Variants in DNAH17 observed in about 807,000 individuals in gnomAD.
DNAH17 encodes dynein axonemal heavy chain 17.
DNAH17 carries 376 observed loss-of-function variants against 485.6 expected under a neutral mutation model. The ratio of observed to expected loss-of-function variants is 0.77; its 90% CI spans 0.71 to 0.84. DNAH17 has a LOEUF of 0.84. Ranked by LOEUF, DNAH17 falls within the 40% of genes least tolerant of loss-of-function variation. DNAH17 has a pLI of 0.00. For synonymous variants in DNAH17, 3,031 were observed against 2,405.9 expected (o/e 1.26, Z -7.60); for missense variants, 6,370 against 5,839.3 (o/e 1.09, Z -2.96).
At position 78,426,908 on chromosome 17, in the gene DNAH17, G is replaced by A. The variant is rs777291478; in HGVS notation, c.12771+18C>T. The A allele has an allele frequency of 1.3e-5, 20 of 1,587,436 alleles. No individual in the cohort carries two copies. The highest frequency in any genetic ancestry group is 2.3e-5 in the East Asian group (1 of 43,490). On this transcript the variant is annotated intron_variant, in intron 78 of 80. Transcript: ENST00000389840. ...ACCATCCAGCCACGTCCCTGGGGCC[G>A]GGCTGACCCATGTTTACCTTCAGCC...
chr17:78,577,014 C>T (rs1259786350), intron 1 of DNAH17, among the ~76,000 whole-genome samples: 1 of 152,190 alleles, frequency 6.6e-6, no homozygotes, highest in East Asian at 1.9e-4. Flanking sequence ...CAGGAGGAAG[C>T]TGGGGCTAGG....
chr17:78,526,117 C>T (rs1239915773), intron 24 of DNAH17, among the ~76,000 whole-genome samples: 1 of 152,244 alleles, frequency 6.6e-6, no homozygotes, highest in African/African-American at 2.4e-5. Flanking sequence ...TGGGCCTGAG[C>T]TTGAGTGGGC....
In DNAH17 at chr17:78,501,316, T is replaced by A; in HGVS notation, c.5351A>T (p.Gln1784Leu). The A allele has an allele frequency of 6.2e-7, 1 of 1,603,788 alleles. No individual in the cohort carries two copies. The highest frequency in any genetic ancestry group is 8.5e-7 in the Non-Finnish European group (1 of 1,171,690). ...GTCCCAGCGATGCCGGAGCTGGGCC[T>A]GCCAGGTGAAGGCCTGAGAACTCTC... ...KVESSQAFTW[Q>L]AQLRHRWDEE... Residue 1784 changes from glutamine to leucine, a missense_variant, in exon 35 of 81, where the codon CAG becomes CTG. Physicochemically the swap from Gln to Leu is moderately radical, Grantham distance 113. Transcript: ENST00000389840.
chr17:78,571,459 G>C, intron 4 of DNAH17, 81 bp from the exon 5 acceptor site: 2 of 1,480,820 alleles, frequency 1.4e-6, no homozygotes, highest in South Asian at 2.3e-5. Context: ...TGGCTGGCTG[G>C]AGCTGCAGAA....
At chr17:78,576,738 G>A (rs181073546) in intron 1 of DNAH17, among the ~76,000 whole-genome samples, 23 of 152,284 alleles carry the variant, frequency 1.5e-4, no homozygotes, top group Non-Finnish European at 3.4e-4. Context: ...TGTGGATTTG[G>A]GCTTTCACAA....
chr17:78,485,193 G>A (rs558716471), intron 47 of DNAH17, 160 bp from the exon 48 acceptor site: 9 of 893,150 alleles, frequency 1.0e-5, no homozygotes, highest in Middle Eastern at 3.4e-4. Context: ...CCTTGAGGGG[G>A]CACCGGGTAC....
chr17:78,480,466 C>T (rs1235445270), intron 49 of DNAH17, among the ~76,000 whole-genome samples: 2 of 152,208 alleles, frequency 1.3e-5, no homozygotes, highest in Non-Finnish European at 2.9e-5. Flanking sequence ...ATTTTATTTG[C>T]TAACTCTGCC....
intron 34 of DNAH17, 68 bp downstream of exon 34, chr17:78,501,674 G>C (rs2090295748): frequency 6.4e-7 from 1 of 1,569,936 alleles, no homozygotes; most frequent in Non-Finnish European, 8.6e-7. Flanking sequence ...TGAAGTCCCT[G>C]AATGCACTGC....
At chr17:78,438,868 G>A (rs1474590381) in intron 73 of DNAH17, among the ~76,000 whole-genome samples, 1 of 152,138 alleles carries the variant, frequency 6.6e-6, no homozygotes, top group East Asian at 1.9e-4. Context: ...CACCGTTGAA[G>A]AATCCACGCT....
At chr17:78,463,440 G>A (rs558452165) in intron 56 of DNAH17, among the ~76,000 whole-genome samples, 3 of 151,586 alleles carry the variant, frequency 2.0e-5, no homozygotes, top group East Asian at 1.9e-4. Context: ...ACGTGCATAC[G>A]CATTCACATA....
At position 78,450,479 on chromosome 17, in the gene DNAH17, G is replaced by C. The variant is rs111703943; in HGVS notation, c.10900-85C>G. 1.9e-6 allele frequency: 3 copies of C among 1,548,764 alleles called. No individual in the cohort carries two copies. In the African/African-American group the frequency reaches 4.1e-5, roughly 21 times the overall value. On this transcript the variant is annotated intron_variant, in intron 67 of 80. Transcript: ENST00000389840. ...GGGCTCATTCCCAGCCACCAGCCTCGCTCCCTGGGAAGCCACCCAAGGGCT... is the reference window on the plus strand; with the variant it reads ...GGGCTCATTCCCAGCCACCAGCCTCCCTCCCTGGGAAGCCACCCAAGGGCT...
At chr17:78,472,944 G>A (rs1052834999) in intron 54 of DNAH17, among the ~76,000 whole-genome samples, 9 of 152,252 alleles carry the variant, frequency 5.9e-5, no homozygotes, top group South Asian at 2.1e-4. Context: ...ATGTAGTCTC[G>A]TTTTCTTGGG....
intron 26 of DNAH17, among the ~76,000 whole-genome samples, chr17:78,511,070 C>CTGATTTCA (rs1331497889): frequency 3.9e-5 from 6 of 152,348 alleles, no homozygotes; most frequent in African/African-American, 1.4e-4. Context: ...TGCTGACACC[C>CTGATTTCA]TGATTTCAGA....
rs375075297 is a variant in DNAH17, at chr17:78,445,654, G to A, written c.11238C>T (p.Asn3746=). 21 of 1,579,610 alleles carry A rather than the reference G, an allele frequency of 1.3e-5. No homozygotes were observed. Among genetic ancestry groups the A allele is most frequent in the Non-Finnish European group, 1.6e-5 (19 of 1,162,904 alleles). ...GCAGGAGGAAATCCAGCTCCACTGGGTTCAGCTCCTTCTTCATGGACAGGA... is the reference window on the plus strand; with the variant it reads ...GCAGGAGGAAATCCAGCTCCACTGGATTCAGCTCCTTCTTCATGGACAGGA... ...FQVLSMKKEL[N]PVELDFLLRF... is the part of the protein sequence containing the mutation. The change falls in exon 70 of 81, where the codon AAC becomes AAT. Residue 3746 remains asparagine (N), a synonymous_variant. Transcript: ENST00000389840.
intron 21 of DNAH17, 59 bp downstream of exon 21, chr17:78,530,284 C>G: frequency 6.7e-7 from 1 of 1,497,484 alleles, no homozygotes; most frequent in Non-Finnish European, 8.9e-7. Flanking sequence ...AAGTGGAAGG[C>G]CACTCCCTGG....
At chr17:78,532,945 G>A in intron 19 of DNAH17, 1 of 539,722 alleles carries the variant, frequency 1.9e-6, no homozygotes, top group Non-Finnish European at 3.3e-6. Context: ...CCATACTGAT[G>A]CCAAACTTAG....
intron 42 of DNAH17, among the ~76,000 whole-genome samples, chr17:78,492,253 G>T (rs530201692): frequency 6.6e-6 from 1 of 152,086 alleles, no homozygotes; most frequent in African/African-American, 2.4e-5. Flanking sequence ...CCTCCTGGGG[G>T]AAGCTTCTCC....
chr17:78,471,966 C>T (rs929649923), intron 54 of DNAH17, among the ~76,000 whole-genome samples: 2 of 152,164 alleles, frequency 1.3e-5, no homozygotes, highest in East Asian at 1.9e-4. Flanking sequence ...TTCTCCCCCA[C>T]CCTCCCTCCT....
intron 1 of DNAH17, among the ~76,000 whole-genome samples, chr17:78,575,780 G>A (rs1308479878): frequency 6.6e-6 from 1 of 152,186 alleles, no homozygotes; most frequent in African/African-American, 2.4e-5. Flanking sequence ...CAAAGTTTAG[G>A]CAAGTGAGGT....
Sources: gnomAD v4.1 joint callset for allele counts (sites outside exome capture counted in the v4.1 genomes callset) on GRCh38, gnomAD v4.1.1 for gene constraint, MANE v1.5 for transcripts, NCBI Gene and HGNC (gene_info 2026-07-23, HGNC 2026-07-21) for gene names.